Variants in CYP2E1 observed in about 807,000 individuals in gnomAD.
The protein encoded by CYP2E1 is cytochrome P450 family 2 subfamily E member 1, also known as cytochrome P450 2E1.
CYP2E1 carries 31 observed loss-of-function variants against 42.9 expected under a neutral mutation model. The observed-to-expected ratio is 0.72, with a 90% confidence interval of 0.54 to 0.98. The LOEUF is 0.98. Ranked by LOEUF, CYP2E1 falls within the 50% of genes least tolerant of loss-of-function variation. The probability of loss-of-function intolerance (pLI) is 0.00; values close to 1 mark genes in which losing one functional copy is unlikely to be tolerated. For synonymous variants in CYP2E1, 244 were observed against 248.9 expected (o/e 0.98, Z 0.19); for missense variants, 565 against 633.2 (o/e 0.89, Z 1.16).
Position 133,538,042 on chromosome 10 carries a change from G to GTGCTC in CYP2E1, c.1297+152_1297+156dup, listed in dbSNP as rs1367707048. The stretch of plus-strand genomic sequence containing the variant: ...TTTCTATTGACAACATGACCCAAAT[G>GTGCTC]TGCTCTTCCCTGTTCAGAGAAGTTA... On this transcript the variant is annotated intron_variant, in intron 8 of 8. Transcript: ENST00000252945. The GTGCTC allele has an allele frequency of 6.0e-5, 41 of 688,590 alleles. 1 individual carries two copies. Among genetic ancestry groups the GTGCTC allele is most frequent in the Non-Finnish European group, 8.7e-5 (37 of 423,014 alleles). The allele number at this position is 688,590 out of a possible 1,614,324, so 42.7% of individuals were successfully genotyped here.
Position 133,532,886 on chromosome 10 carries a change from A to G in CYP2E1, c.825+18A>G, listed in dbSNP as rs949123001. ...TGGAGAAGGTAGGCTCGGCCCTCCC[A>G]TGATGTGGGCTCTCCGGGGTGGGCA... On this transcript the variant is annotated intron_variant, in intron 5 of 8. Transcript: ENST00000252945. 7 of 1,589,228 alleles carry G rather than the reference A, an allele frequency of 4.4e-6. No homozygotes were observed. Among genetic ancestry groups the G allele is most frequent in the African/African-American group, 1.4e-5 (1 of 73,674 alleles).
Position 133,534,919 on chromosome 10 carries a change from C to T in CYP2E1, c.967+1022C>T, listed in dbSNP as rs139562350. On this transcript the variant is annotated intron_variant, in intron 6 of 8. Coordinates refer to ENST00000252945, the MANE Select transcript of CYP2E1 (RefSeq NM_000773.4). The stretch of plus-strand genomic sequence containing the variant: ...TCACTCTGTTGCCCAGGCTGGAGTG[C>T]GGTGATGCAATCATGGCTCATTGTA... 4.8e-4 allele frequency among the ~76,000 whole-genome samples: 73 copies of T among 151,236 alleles called. No individual in the cohort carries two copies. The East Asian group carries it at 9.7e-3, about 20-fold the overall frequency.
chr10:133,536,914 G>GGATGGAGGGGTGTATA (rs1286916498), intron 6 of CYP2E1, 149 bp from the exon 7 acceptor site: 1 of 628,472 alleles, frequency 1.6e-6, no homozygotes. Context: ...ATGGATGGAT[G>GGATGGAGGGGTGTATA]GATGGAGGGG....
At chr10:133,528,932 C>T (rs1479394376) in intron 2 of CYP2E1, among the ~76,000 whole-genome samples, 1 of 152,186 alleles carries the variant, frequency 6.6e-6, no homozygotes, top group Non-Finnish European at 1.5e-5. Context: ...ACCGTTCCGC[C>T]TCTGGGCCCG....
rs1564850639 is a variant in CYP2E1, at chr10:133,538,952, T to C, written c.1470T>C (p.Ile490=). The change falls in exon 9 of 9, where the codon ATT becomes ATC. Residue 490 remains isoleucine, a synonymous_variant. Transcript: ENST00000252945. Reference sequence around the variant, plus strand: ...CACCACGTTACAAACTCTGTGTCATTCCCCGCTCATGAGTGTGTGGAGGAC... The same window carrying C: ...CACCACGTTACAAACTCTGTGTCATCCCCCGCTCATGAGTGTGTGGAGGAC... The part of the protein sequence containing the change: ...CIPPRYKLCV[I]PRS 1 of 1,612,466 alleles carries C rather than the reference T, an allele frequency of 6.2e-7. No homozygotes were observed. The highest frequency in any genetic ancestry group is 8.5e-7 in the Non-Finnish European group (1 of 1,179,058).
intron 6 of CYP2E1, among the ~76,000 whole-genome samples, chr10:133,536,300 C>T (rs940236063): frequency 4.6e-5 from 7 of 151,994 alleles, no homozygotes; most frequent in African/African-American, 1.2e-4. Flanking sequence ...GGAGCATTTT[C>T]CAGTAATTCA....
At position 133,532,063 on chromosome 10, in the gene CYP2E1, G is replaced by A. The variant is rs1455438542; in HGVS notation, c.488-61G>A. 4.0e-6 allele frequency: 6 copies of A among 1,517,770 alleles called. No homozygotes were observed. The East Asian group carries it at 6.8e-5, about 17-fold the overall frequency. 94.0% of individuals were successfully genotyped at this position (1,517,770 alleles called of 1,614,324 possible). A position where few individuals can be genotyped will look rare whatever the true frequency, so the allele number is the denominator to read the frequency against. On this transcript the variant is annotated intron_variant, in intron 3 of 8. Coordinates refer to ENST00000252945, the MANE Select transcript of CYP2E1 (RefSeq NM_000773.4). ...CCTTGGTGAACCTCAGTGGGTGACT[G>A]AGCAGGTGGAGGAGTCTCCTCACCC...
chr10:133,527,570 C>A lies in CYP2E1; in HGVS notation c.175C>A (p.Arg59=). 6.2e-7 allele frequency: 1 copy of A among 1,607,214 alleles called. No individual in the cohort carries two copies. The change falls in exon 1 of 9, where the codon CGG becomes AGG. Residue 59 remains arginine (R), a splice_region_variant and synonymous_variant. Transcript: ENST00000252945. ...GAAGAATATTCCCAAGTCCTTCACC[C>A]GGGTAAGAGAAATAGTGTTGATTTT... The part of the protein sequence containing the change: ...ELKNIPKSFT[R]LAQRFGPVFT...
At chr10:133,535,410 C>G (rs1439494911) in intron 6 of CYP2E1, among the ~76,000 whole-genome samples, 1 of 152,200 alleles carries the variant, frequency 6.6e-6, no homozygotes. Flanking sequence ...AGTCATCCTC[C>G]TGCCTTGGCC....
intron 1 of CYP2E1, 90 bp from the exon 2 acceptor site, chr10:133,528,391 C>A (rs1851296440): frequency 6.7e-7 from 1 of 1,489,768 alleles, no homozygotes; most frequent in Admixed American, 1.9e-5. Flanking sequence ...TCTAGAGCAA[C>A]AGCAATACCC....
In CYP2E1 at chr10:133,533,866, C is replaced by T; in HGVS notation, c.936C>T (p.Leu312=). 1 of 1,614,116 alleles carries T rather than the reference C, an allele frequency of 6.2e-7. No individual in the cohort carries two copies. The change falls in exon 6 of 9, where the codon CTC becomes CTT. Residue 312 remains leucine (L), a synonymous_variant. Coordinates refer to ENST00000252945, the MANE Select transcript of CYP2E1 (RefSeq NM_000773.4). ...CCAGCACAACTCTGAGATATGGGCT[C>T]CTGATTCTCATGAAATACCCTGAGA... The part of the protein sequence containing the change: ...ETTSTTLRYG[L]LILMKYPEIE...
Position 133,538,940 on chromosome 10 carries a change from A to T in CYP2E1, c.1458A>T (p.Lys486Asn). ...TTGGCTGTATCCCACCACGTTACAA[A>T]CTCTGTGTCATTCCCCGCTCATGAG... Reference protein sequence around the residue: ...IGFGCIPPRYKLCVIPRS With the variant: ...IGFGCIPPRYNLCVIPRS Residue 486 changes from lysine to asparagine, a missense_variant, in exon 9 of 9, where the codon AAA becomes AAT. Physicochemically the swap from Lys to Asn is moderately conservative, Grantham distance 94. Coordinates refer to ENST00000252945, the MANE Select transcript of CYP2E1 (RefSeq NM_000773.4). 1 of 1,612,592 alleles carries T rather than the reference A, an allele frequency of 6.2e-7. No homozygotes were observed. The highest frequency in any genetic ancestry group is 8.5e-7 in the Non-Finnish European group (1 of 1,179,380).
In CYP2E1 at chr10:133,532,723, A is replaced by G. The variant is rs1851353883; in HGVS notation, c.680A>G (p.Tyr227Cys). 12 of 1,609,562 alleles carry G rather than the reference A, an allele frequency of 7.5e-6. No individual in the cohort carries two copies. The highest frequency in any genetic ancestry group is 3.3e-5 in the South Asian group (3 of 89,730). ...LYNNFPSFLH[Y>C]LPGSHRKVIK... ...AATAATTTTCCCAGCTTTCTACACT[A>G]CTTGCCTGGAAGCCACAGAAAAGTC... Residue 227 changes from tyrosine to cysteine, a missense_variant, in exon 5 of 9, where the codon TAC becomes TGC. Transcript: ENST00000252945.
chr10:133,529,052 T>C (rs1053040182), intron 2 of CYP2E1, among the ~76,000 whole-genome samples: 5 of 152,192 alleles, frequency 3.3e-5, no homozygotes, highest in African/African-American at 1.2e-4. Context: ...CTGCGGACAC[T>C]GCTCGCTTCA....
In CYP2E1 at chr10:133,531,663, G is replaced by A. The variant is rs752570058; in HGVS notation, c.416G>A (p.Gly139Glu). 5 of 1,613,716 alleles carry A rather than the reference G, an allele frequency of 3.1e-6. No homozygotes were observed. The Admixed American group carries it at 8.3e-5, about 27-fold the overall frequency. ...SLTTLRNYGM[G>E]KQGNESRIQR... ...ACCACCCTCCGGAACTATGGGATGG[G>A]GAAACAGGGCAATGAGAGCCGGATC... Residue 139 changes from glycine to glutamate, a missense_variant, in exon 3 of 9, where the codon GGG becomes GAG. By Grantham distance (98) the Gly-to-Glu change is moderately conservative. Transcript: ENST00000252945.
At chr10:133,534,332 G>A (rs1292261168) in intron 6 of CYP2E1, among the ~76,000 whole-genome samples, 2 of 149,762 alleles carry the variant, frequency 1.3e-5, no homozygotes, top group African/African-American at 4.9e-5. Context: ...CGTGAGGAGG[G>A]AAGTCCAGGA....
At chr10:133,535,909 G>A (rs760049736) in intron 6 of CYP2E1, among the ~76,000 whole-genome samples, 41 of 152,140 alleles carry the variant, frequency 2.7e-4, no homozygotes, top group Non-Finnish European at 8.8e-5. Context: ...CCTGGGTACT[G>A]TACATAACAT....
intron 5 of CYP2E1, among the ~76,000 whole-genome samples, chr10:133,533,259 A>G (rs902590286): frequency 2.6e-5 from 4 of 152,206 alleles, no homozygotes; most frequent in Admixed American, 2.6e-4. Context: ...GCAGGTGCTC[A>G]GGATCCTGAT....
At position 133,537,186 on chromosome 10, in the gene CYP2E1, T is replaced by C. The variant is rs1436679183; in HGVS notation, c.1091T>C (p.Val364Ala). The C allele has an allele frequency of 6.2e-7, 1 of 1,614,114 alleles. No individual in the cohort carries two copies. Among genetic ancestry groups the C allele is most frequent in the Non-Finnish European group, 8.5e-7 (1 of 1,180,002 alleles). Residue 364 changes from valine (V) to alanine (A), a missense_variant, in exon 7 of 9, where the codon GTG (valine) becomes GCG (alanine). By Grantham distance (64) the Val-to-Ala change is moderately conservative (BLOSUM62 0). Coordinates refer to ENST00000252945, the MANE Select transcript of CYP2E1 (RefSeq NM_000773.4). ...GAGATTCAGCGGTTCATCACCCTCG[T>C]GCCCTCCAACCTGCCCCATGAAGCA... ...VHEIQRFITLVPSNLPHEATR... is the reference protein window; with the variant it reads ...VHEIQRFITLAPSNLPHEATR...
Sources: allele counts gnomAD v4.1 joint callset (sites outside exome capture counted in the v4.1 genomes callset), GRCh38; gene constraint gnomAD v4.1.1; transcripts MANE v1.5; gene names NCBI Gene and HGNC (gene_info 2026-07-23, HGNC 2026-07-21).